The following CUL9 variants were observed in gnomAD, a reference collection of about 807,000 sequenced individuals.
The protein encoded by CUL9 is cullin-9.
In CUL9, 79 loss-of-function variants were observed where a neutral mutation model predicts 272.6. That is an observed-to-expected ratio of 0.29 (90% CI 0.24 to 0.35). The LOEUF (loss-of-function observed/expected upper bound fraction) is 0.35, where lower values mean the gene tolerates loss of function less well. Ranked by LOEUF, CUL9 falls within the 10% of genes least tolerant of loss-of-function variation. The pLI is 1.00. For missense variants in CUL9, 2,532 were observed against 3,255.6 expected, an observed-to-expected ratio of 0.78 and a Z score of 5.41; for synonymous variants, 1,186 against 1,286.5, an observed-to-expected ratio of 0.92 and a Z score of 1.67.
At position 43,203,230 on chromosome 6, in the gene CUL9, T is replaced by C. The variant is rs1554170996; in HGVS notation, c.3849+26T>C. On this transcript the variant is annotated intron_variant, in intron 18 of 40. Transcript: ENST00000252050. The surrounding 1 kb of genome is among the most constrained non-coding windows in gnomAD (Gnocchi z 5.0). ...GTGGTGTTAGGGTGTCAGCCAGGGCTGAGGAGGAGGAGGTGGCACACAAGT... is the reference window on the plus strand; with the variant it reads ...GTGGTGTTAGGGTGTCAGCCAGGGCCGAGGAGGAGGAGGTGGCACACAAGT... 1.2e-6 allele frequency: 2 copies of C among 1,613,316 alleles called. No homozygotes were observed. Among genetic ancestry groups the C allele is most frequent in the Admixed American group, 3.3e-5 (2 of 59,996 alleles).
intron 11 of CUL9, among the ~76,000 whole-genome samples, chr6:43,197,684 A>G (rs1444379615): frequency 3.3e-5 from 5 of 151,870 alleles, no homozygotes; most frequent in Admixed American, 2.6e-4. Flanking sequence ...GGGTTTCACC[A>G]TGTTGGTCAG....
Position 43,224,036 on chromosome 6 carries a change from TG to T in CUL9, c.7285-56del. On this transcript the variant is annotated intron_variant, in intron 39 of 40. Transcript: ENST00000252050. This position sits in a 1 kb window ranked among gnomAD's most constrained non-coding sequence, Gnocchi z 4.2. ...CCCAGAGCATCAGTGGAAGGAATGCTGGGTCCAAAGGCCCCATGCCCTCTAC... is the reference window on the plus strand; with the variant it reads ...CCCAGAGCATCAGTGGAAGGAATGCTGGTCCAAAGGCCCCATGCCCTCTAC... 1 of 1,539,558 alleles carries T rather than the reference TG, an allele frequency of 6.5e-7. No individual in the cohort carries two copies. The highest frequency in any genetic ancestry group is 9.0e-7 in the Non-Finnish European group (1 of 1,112,386).
At position 43,221,363 on chromosome 6, in the gene CUL9, G is replaced by C. The variant is rs115394590; in HGVS notation, c.6752+42G>C. ...TGTGGGGAGCCAGAGGGCAAGGAGG[G>C]GGGAGGAGGCCTGGCAGAAGGAGGG... On this transcript the variant is annotated intron_variant, in intron 34 of 40. Coordinates refer to ENST00000252050, the MANE Select transcript of CUL9 (RefSeq NM_015089.4). The surrounding 1 kb of genome is among the most constrained non-coding windows in gnomAD (Gnocchi z 4.2). The C allele has an allele frequency of 9.5e-3, 14,704 of 1,541,268 alleles. 97 individuals carry two copies. The highest frequency in any genetic ancestry group is 0.012 in the Non-Finnish European group (13,449 of 1,141,372).
intron 26 of CUL9, among the ~76,000 whole-genome samples, chr6:43,211,149 A>C (rs1775447076): frequency 6.6e-6 from 1 of 152,176 alleles, no homozygotes; most frequent in Non-Finnish European, 1.5e-5. Flanking sequence ...TTAACTTCCA[A>C]CATTGTCATT....
chr6:43,191,103 T>C (rs1241515783), intron 8 of CUL9, among the ~76,000 whole-genome samples: 1 of 152,164 alleles, frequency 6.6e-6, no homozygotes, highest in Non-Finnish European at 1.5e-5. Context: ...ATTATAAAAA[T>C]ATTTTCCTAT....
In CUL9 at chr6:43,216,309, C is replaced by G. The variant is rs768954825; in HGVS notation, c.6088C>G (p.His2030Asp). 6.8e-6 allele frequency: 11 copies of G among 1,614,156 alleles called. No individual in the cohort carries two copies. Among genetic ancestry groups the G allele is most frequent in the Non-Finnish European group, 9.3e-6 (11 of 1,180,012 alleles). ...EPDVAQHLLA[H>D]SHWGAEQLLQ... Reference sequence around the variant, plus strand: ...AGATGTCGCTCAGCACCTTTTGGCTCATTCCCACTGGGGCGCTGAACAGCT... The same window carrying G: ...AGATGTCGCTCAGCACCTTTTGGCTGATTCCCACTGGGGCGCTGAACAGCT... The change falls in exon 31 of 41, where the codon CAT becomes GAT. Residue 2030 changes from histidine to aspartate, a missense_variant. His to Asp is a moderately conservative substitution (Grantham distance 81, BLOSUM62 -1). Around this residue, in one of 3 missense-constraint regions of CUL9, gnomAD observed 2,218 missense variants for 2,788.6 expected, o/e 0.80. Transcript: ENST00000252050.
In CUL9 at chr6:43,220,930, C is replaced by T; in HGVS notation, c.6588+19C>T. The T allele has an allele frequency of 1.3e-6, 2 of 1,590,218 alleles. No individual in the cohort carries two copies. Among genetic ancestry groups the T allele is most frequent in the South Asian group, 1.1e-5 (1 of 88,440 alleles). ...CCCTGAGGTGGGAGCCCCACACTGG[C>T]CCTGACCCTGAGCAAGGATTCACAC... On this transcript the variant is annotated intron_variant, in intron 33 of 40. Coordinates refer to ENST00000252050, the MANE Select transcript of CUL9 (RefSeq NM_015089.4). This position sits in a 1 kb window ranked among gnomAD's most constrained non-coding sequence, Gnocchi z 4.9.
Position 43,203,220 on chromosome 6 carries a change from C to G in CUL9, c.3849+16C>G, listed in dbSNP as rs1209326835. On this transcript the variant is annotated intron_variant, in intron 18 of 40. Transcript: ENST00000252050. The surrounding 1 kb of genome is among the most constrained non-coding windows in gnomAD (Gnocchi z 5.0). ...CTGCCAGCAGGTGGTGTTAGGGTGT[C>G]AGCCAGGGCTGAGGAGGAGGAGGTG... 1.1e-5 allele frequency: 18 copies of G among 1,613,836 alleles called. No individual in the cohort carries two copies. Among genetic ancestry groups the G allele is most frequent in the Non-Finnish European group, 1.4e-5 (16 of 1,179,886 alleles).
chr6:43,200,332 G>T lies in CUL9; in HGVS notation c.3385-104G>T. The T allele has an allele frequency of 6.3e-7, 1 of 1,578,812 alleles. No homozygotes were observed. Among genetic ancestry groups the T allele is most frequent in the South Asian group, 1.1e-5 (1 of 88,750 alleles). ...GTCAAAATGTGGGGAGAGAGGAGTT[G>T]AGTATACCGTTGACCCTTGACTTTT... On this transcript the variant is annotated intron_variant, in intron 14 of 40. Transcript: ENST00000252050. This position sits in a 1 kb window ranked among gnomAD's most constrained non-coding sequence, Gnocchi z 4.0.
chr6:43,197,957 G>A (rs1256534464), intron 11 of CUL9, among the ~76,000 whole-genome samples: 3 of 152,086 alleles, frequency 2.0e-5, no homozygotes, highest in Admixed American at 6.6e-5. Flanking sequence ...TAGGAAATAC[G>A]TGGCCAGGTG....
Position 43,198,691 on chromosome 6 carries a change from A to G in CUL9, c.2886A>G (p.Glu962=). The G allele has an allele frequency of 6.2e-7, 1 of 1,614,182 alleles. No homozygotes were observed. Among genetic ancestry groups the G allele is most frequent in the South Asian group, 1.1e-5 (1 of 91,082 alleles). ...IRSLVGGPSA[E]LLLDLERVLC... ...CCCTGGTTGGGGGCCCATCTGCAGAACTACTCCTGGACTTGGAGCGTGTGC... is the reference window on the plus strand; with the variant it reads ...CCCTGGTTGGGGGCCCATCTGCAGAGCTACTCCTGGACTTGGAGCGTGTGC... The change falls in exon 12 of 41, where the codon GAA becomes GAG. Residue 962 remains glutamate (E), a synonymous_variant. Transcript: ENST00000252050.
Position 43,218,667 on chromosome 6 carries a change from G to A in CUL9, c.6283-1792G>A, listed in dbSNP as rs529460055. Reference sequence around the variant, plus strand: ...TGGGGCAGTGGCGATGAGAGAGGGTGGATTGGGACACATTTGGAAGTGGAG... The same window carrying A: ...TGGGGCAGTGGCGATGAGAGAGGGTAGATTGGGACACATTTGGAAGTGGAG... On this transcript the variant is annotated intron_variant, in intron 31 of 40. Transcript: ENST00000252050. This position sits in a 1 kb window ranked among gnomAD's most constrained non-coding sequence, Gnocchi z 4.4. 6.6e-6 allele frequency among the ~76,000 whole-genome samples: 1 copy of A among 152,306 alleles called. No homozygotes were observed. Among genetic ancestry groups the A allele is most frequent in the African/African-American group, 2.4e-5 (1 of 41,570 alleles).
intron 31 of CUL9, among the ~76,000 whole-genome samples, 188 bp downstream of exon 31, chr6:43,216,691 A>G (rs898638569): frequency 1.3e-5 from 2 of 152,138 alleles, no homozygotes; most frequent in Non-Finnish European, 2.9e-5. Flanking sequence ...TTGACACTCT[A>G]AAGGGTGGTG....
Position 43,206,336 on chromosome 6 carries a change from G to C in CUL9, c.5038G>C (p.Glu1680Gln), listed in dbSNP as rs1775043368. The C allele has an allele frequency of 2.5e-6, 4 of 1,614,188 alleles. No homozygotes were observed. The South Asian group carries it at 4.4e-5, about 18-fold the overall frequency. Residue 1680 changes from glutamate to glutamine, a missense_variant, in exon 26 of 41, where the codon GAG (glutamate) becomes CAG (glutamine). By Grantham distance (29) the Glu-to-Gln change is conservative. Transcript: ENST00000252050. The surrounding 1 kb of genome is among the most constrained non-coding windows in gnomAD (Gnocchi z 4.8). ...LEEEEEEEEE[E>Q]EAEKELFIED... The stretch of plus-strand genomic sequence containing the variant: ...TGTCCCTCAGGAGGAAGAGGAGGAA[G>C]AGGAAGCTGAGAAAGAATTATTTAT...
chr6:43,188,279 TG>T (rs1012997671), intron 7 of CUL9, 161 bp downstream of exon 7: 2 of 912,754 alleles, frequency 2.2e-6, no homozygotes, highest in Admixed American at 5.8e-5. Context: ...TGACCTTGAT[TG>T]TATTTAATTA....
chr6:43,196,786 T>G lies in CUL9; in HGVS notation c.2727T>G (p.Pro909=). The G allele has an allele frequency of 6.2e-7, 1 of 1,614,162 alleles. No individual in the cohort carries two copies. Among genetic ancestry groups the G allele is most frequent in the South Asian group, 1.1e-5 (1 of 91,088 alleles). Residue 909 remains proline, a synonymous_variant, in exon 11 of 41, where the codon CCT becomes CCG. Coordinates refer to ENST00000252050, the MANE Select transcript of CUL9 (RefSeq NM_015089.4). The part of the protein sequence containing the change: ...RHSGIAPRTE[P]MPTTRTILMM... ...CAGGGATAGCACCAAGAACAGAACC[T>G]ATGCCTACCACACGCACCATCCTCA...
At chr6:43,201,593 T>C (rs950387692) in intron 16 of CUL9, among the ~76,000 whole-genome samples, 9 of 152,286 alleles carry the variant, frequency 5.9e-5, no homozygotes, top group South Asian at 2.1e-4. Context: ...CATTCTCCTG[T>C]CTCAGCCTCC....
chr6:43,219,124 G>A (rs1180881242), intron 31 of CUL9, among the ~76,000 whole-genome samples: 1 of 152,160 alleles, frequency 6.6e-6, no homozygotes, highest in African/African-American at 2.4e-5. Flanking sequence ...AGGAGATTGA[G>A]GCTGCGGTGA....
In CUL9 at chr6:43,222,398, G is replaced by T; in HGVS notation, c.6921+8G>T. 6.2e-7 allele frequency: 1 copy of T among 1,613,592 alleles called. No homozygotes were observed. Among genetic ancestry groups the T allele is most frequent in the Non-Finnish European group, 8.5e-7 (1 of 1,179,694 alleles). On this transcript the variant is annotated splice_region_variant and intron_variant, in intron 36 of 40. Coordinates refer to ENST00000252050, the MANE Select transcript of CUL9 (RefSeq NM_015089.4). ...TTCCATCACCAGGCGCGGGTGAGTC[G>T]GGAGGAAACAGCGGGTAGATGCCTG...
Sources: allele counts gnomAD v4.1 joint callset (sites outside exome capture counted in the v4.1 genomes callset), GRCh38; gene constraint gnomAD v4.1.1; regional missense constraint gnomAD v4.1.1; non-coding constraint Gnocchi (gnomAD v3.1); transcripts MANE v1.5; gene names NCBI Gene and HGNC (gene_info 2026-07-23, HGNC 2026-07-21).